Variants in UGGT1 observed in about 807,000 individuals in gnomAD.
UGGT1 encodes the protein UDP-glucose:glycoprotein glucosyltransferase 1.
In UGGT1, 107 loss-of-function variants were observed where a neutral mutation model predicts 203.9. That is an observed-to-expected ratio of 0.52 (90% confidence interval 0.45 to 0.62). The LOEUF (loss-of-function observed/expected upper bound fraction) is 0.62, where lower values mean the gene tolerates loss of function less well. Among genes scored for constraint, UGGT1 ranks in the 20% least tolerant of loss-of-function variants. UGGT1 has a pLI of 0.00. For synonymous variants in UGGT1, 628 were observed against 653.5 expected, an observed-to-expected ratio of 0.96 and a Z score of 0.59; for missense variants, 1,673 against 1,867.2, an observed-to-expected ratio of 0.90 and a Z score of 1.92.
chr2:128,151,412 T>C, intron 18 of UGGT1: 1 of 373,578 alleles, frequency 2.7e-6, no homozygotes, highest in Non-Finnish European at 5.1e-6. Flanking sequence ...TTGAACTCGA[T>C]GGGCTTCTAA....
At chr2:128,121,391 A>G in intron 10 of UGGT1, 93 bp downstream of exon 10, 1 of 872,210 alleles carries the variant, frequency 1.1e-6, no homozygotes, top group Non-Finnish European at 1.7e-6. Context: ...GAAAATTCCT[A>G]GAAAATTAAG....
intron 13 of UGGT1, 90 bp from the exon 14 acceptor site, chr2:128,133,051 T>A (rs1329732909): frequency 6.7e-7 from 1 of 1,485,062 alleles, no homozygotes; most frequent in African/African-American, 1.4e-5. Context: ...ATGATTCTTC[T>A]TAAAATATTT....
intron 12 of UGGT1, among the ~76,000 whole-genome samples, chr2:128,128,435 C>T (rs1688712244): frequency 1.3e-5 from 2 of 151,858 alleles, no homozygotes; most frequent in Non-Finnish European, 2.9e-5. Context: ...CCTCACCCTT[C>T]TGAGTAGCTG....
intron 17 of UGGT1, 127 bp downstream of exon 17, chr2:128,143,352 T>C (rs1689531583): frequency 9.2e-7 from 1 of 1,089,510 alleles, no homozygotes; most frequent in Non-Finnish European, 1.2e-6. Context: ...TTTAAAAGTT[T>C]AGAAACCAGA....
intron 17 of UGGT1, among the ~76,000 whole-genome samples, chr2:128,144,941 T>C (rs1480005990): frequency 6.6e-6 from 1 of 152,218 alleles, no homozygotes; most frequent in Non-Finnish European, 1.5e-5. Flanking sequence ...CAGTTTTTAC[T>C]CTGAAAAGTT....
Position 128,141,225 on chromosome 2 carries a change from G to A in UGGT1, c.1720-1869G>A, listed in dbSNP as rs187374256. 5.9e-5 allele frequency among the ~76,000 whole-genome samples: 9 copies of A among 151,788 alleles called. No homozygotes were observed. The East Asian group carries it at 1.2e-3, about 20-fold the overall frequency. ...TGTAATTCCAGCACTTTGGGTGGCC[G>A]AGGTGGGTGGATCATTTGAGGTCAG... On this transcript the variant is annotated intron_variant, in intron 16 of 40. Transcript: ENST00000259253.
chr2:128,128,795 T>C (rs111376064), intron 12 of UGGT1, among the ~76,000 whole-genome samples: 3 of 152,340 alleles, frequency 2.0e-5, no homozygotes, highest in African/African-American at 7.2e-5. Context: ...TAAATACATA[T>C]GCAGTTATAA....
intron 38 of UGGT1, among the ~76,000 whole-genome samples, chr2:128,186,478 G>T (rs946488134): frequency 6.6e-6 from 1 of 152,038 alleles, no homozygotes; most frequent in Non-Finnish European, 1.5e-5. Flanking sequence ...ATGGTGGCGG[G>T]CCCCTGTAGT....
chr2:128,095,040 C>T (rs188457198), intron 1 of UGGT1, among the ~76,000 whole-genome samples: 27 of 152,162 alleles, frequency 1.8e-4, no homozygotes, highest in Admixed American at 1.7e-3. Flanking sequence ...TGAGCCACTG[C>T]GCTGGGCCAG....
chr2:128,114,501 T>C (rs1402030315), intron 6 of UGGT1, among the ~76,000 whole-genome samples: 1 of 152,178 alleles, frequency 6.6e-6, no homozygotes, highest in Non-Finnish European at 1.5e-5. Flanking sequence ...CCTTCATTGC[T>C]GTTAGGATGG....
Position 128,159,608 on chromosome 2 carries a change from C to T in UGGT1, c.2450C>T (p.Ala817Val), listed in dbSNP as rs1458678054. 1 of 1,614,182 alleles carries T rather than the reference C, an allele frequency of 6.2e-7. No individual in the cohort carries two copies. The highest frequency in any genetic ancestry group is 1.7e-5 in the Admixed American group (1 of 60,014). The change falls in exon 23 of 41, where the codon GCT (alanine) becomes GTT (valine). Residue 817 changes from alanine to valine, a missense_variant. Physicochemically the swap from Ala to Val is moderately conservative, Grantham distance 64. This residue lies in a region of UGGT1 where 1,073 missense variants were observed against 1,078.7 expected (regional missense o/e 0.99). Coordinates refer to ENST00000259253, the MANE Select transcript of UGGT1 (RefSeq NM_020120.4). ...CAGATCTCCAGAGCAATCTGGGCAGCTCTCCAAACTCAGACTTCCAACGCT... is the reference window on the plus strand; with the variant it reads ...CAGATCTCCAGAGCAATCTGGGCAGTTCTCCAAACTCAGACTTCCAACGCT... ...NTQISRAIWA[A>V]LQTQTSNAAK...
rs140196665 is a variant in UGGT1 at position 128,114,397 on chromosome 2, C to T, written c.697-727C>T. ...CCTCCCAAAGTGCTGGGATTACAGGCGTGAGTCACTGTGCTTGGCCATAAA... is the reference window on the plus strand; with the variant it reads ...CCTCCCAAAGTGCTGGGATTACAGGTGTGAGTCACTGTGCTTGGCCATAAA... On this transcript the variant is annotated intron_variant, in intron 6 of 40. Transcript: ENST00000259253. Among the ~76,000 whole-genome samples the T allele has an allele frequency of 5.3e-3, 810 of 152,226 alleles. 12 individuals carry two copies. Among genetic ancestry groups the T allele is most frequent in the African/African-American group, 0.017 (714 of 41,524 alleles).
chr2:128,112,487 A>T (rs1342856247), intron 5 of UGGT1, among the ~76,000 whole-genome samples: 3 of 55,894 alleles, frequency 5.4e-5, no homozygotes, highest in Admixed American at 2.2e-4. Flanking sequence ...ATACATACAT[A>T]CTCAAGTTTT....
At chr2:128,115,374 T>A (rs909471223) in intron 7 of UGGT1, among the ~76,000 whole-genome samples, 154 bp downstream of exon 7, 5 of 151,804 alleles carry the variant, frequency 3.3e-5, no homozygotes, top group African/African-American at 1.2e-4. Context: ...TTAAGCAGAT[T>A]CTCTAGATCC....
rs1190036928 is a variant in UGGT1 at position 128,133,164 on chromosome 2, T to C, written c.1401T>C (p.Asp467=). ...AGTGGGTCAACAACCTGGAGGTTGATAGCAGATATAATTCGTGGCCTTCTA... is the reference window on the plus strand; with the variant it reads ...AGTGGGTCAACAACCTGGAGGTTGACAGCAGATATAATTCGTGGCCTTCTA... ...AISWVNNLEV[D]SRYNSWPSSL... Residue 467 remains aspartate, a synonymous_variant, in exon 14 of 41, where the codon GAT becomes GAC. Transcript: ENST00000259253. The C allele has an allele frequency of 6.2e-7, 1 of 1,614,102 alleles. No individual in the cohort carries two copies. The highest frequency in any genetic ancestry group is 2.2e-5 in the East Asian group (1 of 44,880).
At chr2:128,131,601 T>C (rs1688879588) in intron 13 of UGGT1, among the ~76,000 whole-genome samples, 1 of 152,100 alleles carries the variant, frequency 6.6e-6, no homozygotes, top group South Asian at 2.1e-4. Context: ...ACTAGAGTAT[T>C]GTATTGTGTT....
intron 28 of UGGT1, among the ~76,000 whole-genome samples, chr2:128,171,791 G>A (rs1401100627): frequency 2.6e-5 from 4 of 152,186 alleles, no homozygotes; most frequent in Admixed American, 6.5e-5. Flanking sequence ...ACAGGTGTGA[G>A]CTACCACGCC....
chr2:128,183,632 G>A (rs142028764), intron 37 of UGGT1, 43 bp from the exon 38 acceptor site: 22 of 1,462,220 alleles, frequency 1.5e-5, no homozygotes, highest in South Asian at 1.0e-4. Flanking sequence ...TTTTCCTGTC[G>A]TAATCCATGG....
chr2:128,092,091 C>G (rs578033634), intron 1 of UGGT1, among the ~76,000 whole-genome samples: 103 of 152,276 alleles, frequency 6.8e-4, no homozygotes, highest in South Asian at 8.3e-4. Flanking sequence ...GTTTTGGAAA[C>G]ATTCATTGAT....
Sources: gnomAD v4.1 joint callset for allele counts (sites outside exome capture counted in the v4.1 genomes callset) on GRCh38, gnomAD v4.1.1 for gene constraint, gnomAD v4.1.1 regional missense constraint, MANE v1.5 for transcripts, NCBI Gene and HGNC (gene_info 2026-07-23, HGNC 2026-07-21) for gene names.